ROBO2: variants seen among roughly 807,000 people sequenced by gnomAD.
ROBO2 encodes the protein roundabout guidance receptor 2, also known as roundabout homolog 2.
ROBO2 carries 53 observed loss-of-function variants against 160.8 expected under a neutral mutation model. The observed-to-expected ratio is 0.33, with a 90% CI of 0.26 to 0.41. ROBO2 has a LOEUF of 0.41. Among genes scored for constraint, ROBO2 ranks in the 10% least tolerant of loss-of-function variants. The pLI, the probability that ROBO2 is intolerant of heterozygous loss-of-function variation, is 1.00. For missense variants in ROBO2, 1,577 were observed against 1,722.4 expected, an observed-to-expected ratio of 0.92 and a Z score of 1.49; for synonymous variants, 664 against 611.7, an observed-to-expected ratio of 1.09 and a Z score of -1.26.
intron 2 of ROBO2, among the ~76,000 whole-genome samples, chr3:76,587,556 G>T (rs751886083): frequency 6.6e-6 from 1 of 152,164 alleles, no homozygotes; most frequent in South Asian, 2.1e-4. Flanking sequence ...GATCTCCTGA[G>T]AACTCAATCA....
chr3:77,310,234 A>G (rs2063427330), intron 2 of ROBO2, among the ~76,000 whole-genome samples: 1 of 152,170 alleles, frequency 6.6e-6, no homozygotes, highest in African/African-American at 2.4e-5. Context: ...AGCTAAATCT[A>G]ACATTGGTAA....
In ROBO2 at chr3:77,295,738, C is replaced by T. The variant is rs577240988; in HGVS notation, c.389-181676C>T. On this transcript the variant is annotated intron_variant, in intron 2 of 25. Coordinates refer to ENST00000461745, the Ensembl canonical transcript of ROBO2. Reference sequence around the variant, plus strand: ...ACATAAAGTGAAATTGACGGTTAAACGGGTAAGCTGAGGCTAGATCACCCC... The same window carrying T: ...ACATAAAGTGAAATTGACGGTTAAATGGGTAAGCTGAGGCTAGATCACCCC... 8.7e-4 allele frequency among the ~76,000 whole-genome samples: 126 copies of T among 145,408 alleles called. 2 individuals are homozygous for T. The South Asian group carries it at 0.022, about 25-fold the overall frequency.
chr3:76,274,648 C>G (rs961696480), intron 2 of ROBO2, among the ~76,000 whole-genome samples: 1 of 151,782 alleles, frequency 6.6e-6, no homozygotes, highest in Non-Finnish European at 1.5e-5. Context: ...ACCAGTCTGG[C>G]CAGAATGGTG....
In ROBO2 at chr3:76,662,647, G is replaced by C. The variant is rs147413386; in HGVS notation, c.110-435367G>C. 8.4e-3 allele frequency among the ~76,000 whole-genome samples: 1,279 copies of C among 152,200 alleles called. 11 individuals carry two copies. The highest frequency in any genetic ancestry group is 0.027 in the African/African-American group (1,117 of 41,528). On this transcript the variant is annotated intron_variant, in intron 2 of 26. Coordinates refer to the ROBO2 transcript ENST00000487694. Reference sequence around the variant, plus strand: ...ATTGCAGAATATTTTTTCAGTGAATGTAATATCTCATCTAGACTTAAGGTA... The same window carrying C: ...ATTGCAGAATATTTTTTCAGTGAATCTAATATCTCATCTAGACTTAAGGTA...
At chr3:77,350,767 G>C (rs537429749) in intron 2 of ROBO2, among the ~76,000 whole-genome samples, 3 of 152,114 alleles carry the variant, frequency 2.0e-5, no homozygotes, top group African/African-American at 7.2e-5. Context: ...GGCACTTGTC[G>C]TTAAGGTCAC....
rs2071090909 is a variant in ROBO2 at position 77,367,581 on chromosome 3, T to G, written c.389-109833T>G. Among the ~76,000 whole-genome samples the G allele has an allele frequency of 2.6e-5, 4 of 152,224 alleles. No homozygotes were observed. The South Asian group carries it at 8.3e-4, about 31-fold the overall frequency. On this transcript the variant is annotated intron_variant, in intron 2 of 25. Transcript: ENST00000461745. ...TGTTACGAAGATGCCAAGAGATATA[T>G]TCTTCATTTTATTGTAGAATTATCA...
At chr3:76,836,294 T>C (rs958120811) in intron 2 of ROBO2, among the ~76,000 whole-genome samples, 2 of 151,894 alleles carry the variant, frequency 1.3e-5, no homozygotes, top group Non-Finnish European at 1.5e-5. Context: ...ACATCAGATA[T>C]TCAATTTATT....
intron 2 of ROBO2, among the ~76,000 whole-genome samples, chr3:77,356,126 T>C (rs76167285): frequency 0.011 from 1,666 of 152,318 alleles, 17 homozygotes; most frequent in Middle Eastern, 0.017. Context: ...AATGTTGGTT[T>C]ATTGGCATAA....
chr3:77,404,806 C>T (rs548759265), intron 2 of ROBO2, among the ~76,000 whole-genome samples: 1 of 152,076 alleles, frequency 6.6e-6, no homozygotes, highest in Non-Finnish European at 1.5e-5. Context: ...AAAGTAATTT[C>T]AATCAATGGG....
chr3:76,212,148 T>C (rs1317941650), intron 2 of ROBO2, among the ~76,000 whole-genome samples: 1 of 152,010 alleles, frequency 6.6e-6, no homozygotes. Flanking sequence ...TCTCTAATAA[T>C]ATATAATATA....
chr3:76,226,718 A>G (rs750097733), intron 2 of ROBO2, among the ~76,000 whole-genome samples: 5 of 152,160 alleles, frequency 3.3e-5, no homozygotes, highest in Non-Finnish European at 5.9e-5. Flanking sequence ...ATTTTTATTC[A>G]GTCATTTCCT....
chr3:76,939,420 A>G (rs2078000721), intron 2 of ROBO2, among the ~76,000 whole-genome samples: 1 of 152,218 alleles, frequency 6.6e-6, no homozygotes, highest in South Asian at 2.1e-4. Flanking sequence ...GTGATGAGCT[A>G]TAAGATTTCC....
At chr3:76,556,633 T>C (rs1312588792) in intron 2 of ROBO2, among the ~76,000 whole-genome samples, 1 of 152,192 alleles carries the variant, frequency 6.6e-6, no homozygotes, top group Non-Finnish European at 1.5e-5. Context: ...ATTTCTATGC[T>C]TATTATCTCA....
In ROBO2 at chr3:77,613,856, A is replaced by T. The variant is rs910878953; in HGVS notation, c.3294-3657A>T. ...CTGGAAATGACATAAGACTGCATAT[A>T]ATCAATTTTCAAAGAAATGTACATC... On this transcript the variant is annotated intron_variant, in intron 21 of 25. Coordinates refer to ENST00000461745, the Ensembl canonical transcript of ROBO2. 2.0e-5 allele frequency among the ~76,000 whole-genome samples: 3 copies of T among 152,176 alleles called. No homozygotes were observed. In the South Asian group the frequency reaches 6.2e-4, roughly 31 times the overall value.
chr3:76,126,348 A>G (rs1405986027), intron 2 of ROBO2, among the ~76,000 whole-genome samples: 2 of 152,154 alleles, frequency 1.3e-5, no homozygotes, highest in Non-Finnish European at 2.9e-5. Flanking sequence ...ATAAGCTTAT[A>G]TATTCACTGT....
intron 8 of ROBO2, among the ~76,000 whole-genome samples, chr3:77,552,369 GA>G (rs1377101670): frequency 6.6e-6 from 1 of 151,932 alleles, no homozygotes; most frequent in Non-Finnish European, 1.5e-5. Flanking sequence ...AATTGTTATG[GA>G]AAAGGCAAAC....
chr3:76,283,918 G>A (rs1305913050), intron 2 of ROBO2, among the ~76,000 whole-genome samples: 3 of 151,846 alleles, frequency 2.0e-5, no homozygotes, highest in Non-Finnish European at 4.4e-5. Context: ...CTTGTCTTAG[G>A]ATCGTTCTTC....
rs994398344 is a variant in ROBO2 at position 76,585,865 on chromosome 3, T to C, written c.110-512149T>C. Among the ~76,000 whole-genome samples, 2 of 152,216 alleles carry C rather than the reference T, an allele frequency of 1.3e-5. 1 individual carries two copies. Among genetic ancestry groups the C allele is most frequent in the South Asian group, 4.1e-4 (2 of 4,830 alleles). ...GTACATGCGTATACAGTATGTTATA[T>C]ACACATATATATCACAAAATAATTC... is the stretch of plus-strand genomic sequence containing the variant. On this transcript the variant is annotated intron_variant, in intron 2 of 26. Coordinates refer to the ROBO2 transcript ENST00000487694.
At chr3:77,649,905 G>C (rs1420020700) in exon 26 of ROBO2, 1 of 151,974 alleles carries the variant, frequency 6.6e-6, no homozygotes, top group African/African-American at 2.4e-5. Context: ...TAATAGTATT[G>C]TCAAAGAATT....
Sources: gnomAD v4.1 joint callset for allele counts (sites outside exome capture counted in the v4.1 genomes callset) on GRCh38, gnomAD v4.1.1 for gene constraint, MANE v1.5 for transcripts, NCBI Gene and HGNC (gene_info 2026-07-23, HGNC 2026-07-21) for gene names.